The following SOX6 variants were observed in gnomAD, a reference collection of about 807,000 sequenced individuals.
The protein encoded by SOX6 is transcription factor SOX-6.
In SOX6, 11 loss-of-function variants were observed where a neutral mutation model predicts 97.8. The ratio of observed to expected loss-of-function variants is 0.11; its 90% CI spans 0.07 to 0.19. The LOEUF is 0.19. SOX6 is among the 10% of genes least tolerant of loss of function. The probability of loss-of-function intolerance (pLI) is 1.00; values close to 1 mark genes in which losing one functional copy is unlikely to be tolerated. For missense variants in SOX6, 810 were observed against 1,039.5 expected (o/e 0.78, Z 3.04); for synonymous variants, 360 against 371.4 (o/e 0.97, Z 0.35).
chr11:16,242,120 A>C (rs1853211903), intron 3 of SOX6, among the ~76,000 whole-genome samples: 1 of 152,070 alleles, frequency 6.6e-6, no homozygotes, highest in South Asian at 2.1e-4. Flanking sequence ...TTGTACTACC[A>C]CATTGAAATA....
intron 4 of SOX6, among the ~76,000 whole-genome samples, chr11:16,203,974 T>A (rs1852006205): frequency 2.0e-5 from 3 of 152,016 alleles, no homozygotes; most frequent in African/African-American, 7.2e-5. Flanking sequence ...TATCAAAAAA[T>A]GGACTTAGCC....
intron 3 of SOX6, among the ~76,000 whole-genome samples, chr11:16,259,304 G>T (rs968392068): frequency 6.6e-6 from 1 of 151,754 alleles, no homozygotes; most frequent in Admixed American, 6.6e-5. Context: ...TAAATAGATG[G>T]ACATATTCTG....
chr11:16,445,882 CTT>C (rs2133090592), intron 1 of SOX6, among the ~76,000 whole-genome samples: 1 of 152,208 alleles, frequency 6.6e-6, no homozygotes, highest in South Asian at 2.1e-4. Context: ...AGTTTGGAAT[CTT>C]TGGTTTTTCT....
intron 2 of SOX6, among the ~76,000 whole-genome samples, chr11:16,322,227 G>A (rs1017930301): frequency 6.6e-6 from 1 of 152,162 alleles, no homozygotes; most frequent in Non-Finnish European, 1.5e-5. Flanking sequence ...AATGTTGGAG[G>A]AGAGGCTTGG....
chr11:16,666,524 G>C (rs916922132), intron 3 of SOX6, among the ~76,000 whole-genome samples: 1 of 152,118 alleles, frequency 6.6e-6, no homozygotes, highest in Admixed American at 6.5e-5. Flanking sequence ...ATATATAGTC[G>C]GCTGGGTGTG....
At chr11:16,378,219 A>G (rs899677660) in intron 1 of SOX6, among the ~76,000 whole-genome samples, 3 of 152,198 alleles carry the variant, frequency 2.0e-5, no homozygotes, top group African/African-American at 7.2e-5. Context: ...CGTTAAATTA[A>G]AAATGTGTCC....
chr11:16,460,424 T>C (rs1344061385), intron 1 of SOX6, among the ~76,000 whole-genome samples: 4 of 152,118 alleles, frequency 2.6e-5, no homozygotes, highest in South Asian at 2.1e-4. Flanking sequence ...CATATTCTTA[T>C]AGTGTGAAGG....
At chr11:16,368,504 G>T (rs1413965064) in intron 1 of SOX6, among the ~76,000 whole-genome samples, 1 of 151,986 alleles carries the variant, frequency 6.6e-6, no homozygotes, top group Non-Finnish European at 1.5e-5. Flanking sequence ...AATAATAAAA[G>T]AATTAAAAAA....
intron 4 of SOX6, among the ~76,000 whole-genome samples, chr11:16,194,766 G>A (rs1851727892): frequency 6.6e-6 from 1 of 152,168 alleles, no homozygotes; most frequent in South Asian, 2.1e-4. Flanking sequence ...TCCTAACAGA[G>A]CAAGAACAAT....
At chr11:16,043,827 C>T (rs1223100625) in intron 12 of SOX6, among the ~76,000 whole-genome samples, 3 of 152,098 alleles carry the variant, frequency 2.0e-5, no homozygotes, top group Non-Finnish European at 4.4e-5. Context: ...TCAGCATTGC[C>T]TTAGCTGGAG....
At chr11:16,627,065 C>G (rs189329612) in intron 3 of SOX6, among the ~76,000 whole-genome samples, 1 of 152,166 alleles carries the variant, frequency 6.6e-6, no homozygotes, top group Non-Finnish European at 1.5e-5. Context: ...TTAGTGAGAA[C>G]AGGTGGTATT....
At chr11:16,381,334 A>AT (rs1857812686) in intron 1 of SOX6, among the ~76,000 whole-genome samples, 1 of 152,032 alleles carries the variant, frequency 6.6e-6, no homozygotes, top group Non-Finnish European at 1.5e-5. Flanking sequence ...GCTAGCCTCA[A>AT]GCCTAACTAA....
At chr11:16,674,322 C>T (rs1384045927) in intron 3 of SOX6, among the ~76,000 whole-genome samples, 6 of 151,818 alleles carry the variant, frequency 4.0e-5, no homozygotes, top group Non-Finnish European at 8.8e-5. Context: ...CAAGTAATGC[C>T]GAAAAAGCAT....
chr11:16,117,444 G>C (rs1229045610), intron 6 of SOX6, among the ~76,000 whole-genome samples: 1 of 152,174 alleles, frequency 6.6e-6, no homozygotes, highest in Admixed American at 6.5e-5. Context: ...ATCTTCTACA[G>C]AATGCTCATC....
chr11:16,608,970 A>C (rs1288855291), intron 4 of SOX6, among the ~76,000 whole-genome samples: 1 of 152,202 alleles, frequency 6.6e-6, no homozygotes, highest in African/African-American at 2.4e-5. Flanking sequence ...CAGATGTAGA[A>C]AATTATGTTA....
At chr11:16,318,190 G>C in intron 3 of SOX6, 1 of 500,232 alleles carries the variant, frequency 2.0e-6, no homozygotes, top group Non-Finnish European at 3.6e-6. Flanking sequence ...GTAGGATTAT[G>C]GTCAGTTTAA....
chr11:16,603,537 G>C (rs1271452371), intron 4 of SOX6, among the ~76,000 whole-genome samples: 1 of 152,026 alleles, frequency 6.6e-6, no homozygotes, highest in African/African-American at 2.4e-5. Flanking sequence ...GTGGGGGTGG[G>C]AGGGAGCACA....
intron 1 of SOX6, among the ~76,000 whole-genome samples, chr11:16,346,474 T>C (rs1447102752): frequency 6.6e-6 from 1 of 151,976 alleles, no homozygotes; most frequent in African/African-American, 2.4e-5. Context: ...TTTAAAACAT[T>C]CCTCAATTCA....
intron 6 of SOX6, among the ~76,000 whole-genome samples, chr11:16,179,627 T>G (rs1411634882): frequency 6.6e-6 from 1 of 151,886 alleles, no homozygotes; most frequent in Non-Finnish European, 1.5e-5. Flanking sequence ...GGGAGGGCAA[T>G]GAATATTGCA....
Sources: allele counts gnomAD v4.1 joint callset (sites outside exome capture counted in the v4.1 genomes callset), GRCh38; gene constraint gnomAD v4.1.1; transcripts MANE v1.5; gene names NCBI Gene and HGNC (gene_info 2026-07-23, HGNC 2026-07-21).